The following DIP2A variants were observed in gnomAD, a reference collection of about 807,000 sequenced individuals.
DIP2A encodes the protein DIP2 acetate--CoA ligase A, also known as disco-interacting protein 2 homolog A.
DIP2A carries 85 observed loss-of-function variants against 177.4 expected under a neutral mutation model. That is an observed-to-expected ratio of 0.48 (90% confidence interval 0.40 to 0.57). The LOEUF is 0.57. DIP2A is among the 20% of genes least tolerant of loss of function. DIP2A has a pLI of 0.00. For missense variants in DIP2A, 1,791 were observed against 2,100.2 expected, an observed-to-expected ratio of 0.85 and a Z score of 2.88; for synonymous variants, 886 against 881.8, an observed-to-expected ratio of 1.00 and a Z score of -0.08.
the DIP2A span, among the ~76,000 whole-genome samples, chr21:46,576,335 A>C: frequency 6.6e-6 from 1 of 151,970 alleles, no homozygotes; most frequent in Non-Finnish European, 1.5e-5. Flanking sequence ...CTATGTGTTC[A>C]TAATGTTCAG....
chr21:46,526,682 A>G (rs1165196446), intron 8 of DIP2A, among the ~76,000 whole-genome samples: 3 of 152,220 alleles, frequency 2.0e-5, no homozygotes, highest in African/African-American at 4.8e-5. Context: ...GGTGTGAGCC[A>G]CTGCGCCAGG....
intron 35 of DIP2A, among the ~76,000 whole-genome samples, chr21:46,565,152 A>C (rs1373268163): frequency 6.6e-6 from 1 of 152,270 alleles, no homozygotes; most frequent in African/African-American, 2.4e-5. Flanking sequence ...GCATGGATGC[A>C]CAAAATGCTT....
rs377485159 is a variant in DIP2A, at chr21:46,558,218, C to T, written c.3799-5C>T. 44 of 1,607,320 alleles carry T rather than the reference C, an allele frequency of 2.7e-5. No individual in the cohort carries two copies. The highest frequency in any genetic ancestry group is 3.3e-5 in the Non-Finnish European group (39 of 1,177,114). On this transcript the variant is annotated splice_polypyrimidine_tract_variant and splice_region_variant and intron_variant, in intron 31 of 37. Coordinates refer to ENST00000417564, the MANE Select transcript of DIP2A (RefSeq NM_015151.4). ...CCGTGGCCTGACCGCTCACCCCTCC[C>T]GCAGATGAAGGGGGTGAACCTGTCA...
At chr21:46,573,549 T>C (rs2060979230), downstream of DIP2A, among the ~76,000 whole-genome samples, 1 of 144,158 alleles carries the variant, frequency 6.9e-6, no homozygotes, top group African/African-American at 2.6e-5. Flanking sequence ...GAGGCTGAGG[T>C]GGGAATATTC....
At chr21:46,505,112 G>A (rs2057904709) in intron 6 of DIP2A, among the ~76,000 whole-genome samples, 1 of 152,216 alleles carries the variant, frequency 6.6e-6, no homozygotes, top group South Asian at 2.1e-4. Context: ...TATCATATAT[G>A]TTGGTACTCC....
At chr21:46,484,858 G>A (rs755355477) in intron 2 of DIP2A, 30 bp downstream of exon 2, 1 of 1,512,624 alleles carries the variant, frequency 6.6e-7, no homozygotes, top group Non-Finnish European at 8.9e-7. Flanking sequence ...GTGTTACATA[G>A]CAATTATATT....
At chr21:46,472,403 A>G (rs1469504161) in intron 1 of DIP2A, among the ~76,000 whole-genome samples, 1 of 152,222 alleles carries the variant, frequency 6.6e-6, no homozygotes, top group Non-Finnish European at 1.5e-5. Context: ...CATTCAACAG[A>G]CTGAGTGCCA....
chr21:46,545,015 A>G (rs919203176), intron 18 of DIP2A, 122 bp from the exon 19 acceptor site: 12 of 836,688 alleles, frequency 1.4e-5, no homozygotes, highest in Non-Finnish European at 2.1e-5. Context: ...AACTCCTTAT[A>G]AGAAGGTGCT....
chr21:46,561,002 C>T (rs1476717418), intron 33 of DIP2A: 3 of 985,308 alleles, frequency 3.0e-6, no homozygotes, highest in Non-Finnish European at 3.6e-6. Context: ...CCACTCCGGG[C>T]GTGCCTCCCA....
chr21:46,543,550 G>GGCACTCCCCCAGGCATGCACGCA (rs141375551), intron 18 of DIP2A, among the ~76,000 whole-genome samples: 121,833 of 149,100 alleles, frequency 0.82, 49,931 homozygotes, highest in African/African-American at 0.87. Context: ...CGCTCCCCCA[G>GGCACTCCCCCAGGCATGCACGCA]GCACTCCCCC....
chr21:46,506,789 T>C (rs10854484), intron 6 of DIP2A, among the ~76,000 whole-genome samples: 29,740 of 127,072 alleles, frequency 0.23, 4,488 homozygotes, highest in East Asian at 0.41. Context: ...TTTCTTTCTT[T>C]TCTTTCTTTC....
Position 46,498,579 on chromosome 21 carries a change from C to G in DIP2A, c.404-3C>G, listed in dbSNP as rs1314259631. The G allele has an allele frequency of 6.2e-7, 1 of 1,602,546 alleles. No homozygotes were observed. Among genetic ancestry groups the G allele is most frequent in the South Asian group, 1.1e-5 (1 of 90,332 alleles). ...ATGCCTGTCATCGTTATTTTAACCA[C>G]AGACACGTCGTCTGCCTCAGAAGAT... On this transcript the variant is annotated splice_polypyrimidine_tract_variant and splice_region_variant and intron_variant, in intron 4 of 37. Coordinates refer to ENST00000417564, the MANE Select transcript of DIP2A (RefSeq NM_015151.4). The surrounding 1 kb of genome is among the most constrained non-coding windows in gnomAD (Gnocchi z 4.3).
intron 8 of DIP2A, among the ~76,000 whole-genome samples, chr21:46,518,724 G>A (rs1297931447): frequency 2.0e-5 from 3 of 152,202 alleles, no homozygotes; most frequent in Non-Finnish European, 4.4e-5. Context: ...GGGTGTGGTG[G>A]CATGCGCCTA....
intron 8 of DIP2A, among the ~76,000 whole-genome samples, chr21:46,514,695 A>G (rs1019389964): frequency 9.3e-5 from 13 of 139,758 alleles, no homozygotes; most frequent in African/African-American, 3.6e-4. Flanking sequence ...AAATAGAACA[A>G]TGTTGAAGAG....
At position 46,534,574 on chromosome 21, in the gene DIP2A, A is replaced by C. The variant is rs768449089; in HGVS notation, c.1540-11A>C. ...ATACCACATCATGTTTTTTTCCTTG[A>C]AATCTTTCAGTATAAAACCAGCAAA... On this transcript the variant is annotated splice_polypyrimidine_tract_variant and intron_variant, in intron 12 of 37. Transcript: ENST00000417564. The C allele has an allele frequency of 1.9e-6, 3 of 1,611,864 alleles. No homozygotes were observed. The highest frequency in any genetic ancestry group is 2.5e-6 in the Non-Finnish European group (3 of 1,178,666).
At position 46,567,679 on chromosome 21, in the gene DIP2A, G is replaced by T; in HGVS notation, c.*57G>T. The T allele has an allele frequency of 6.5e-7, 1 of 1,533,816 alleles. No homozygotes were observed. On this transcript the variant is annotated 3_prime_UTR_variant, in exon 38 of 38. Coordinates refer to ENST00000417564, the MANE Select transcript of DIP2A (RefSeq NM_015151.4). Reference sequence around the variant, plus strand: ...AATGAGCCCCAGCAGTCCAAGGTGTGATGTGGGAAGACACCGCAGAGCTCA... The same window carrying T: ...AATGAGCCCCAGCAGTCCAAGGTGTTATGTGGGAAGACACCGCAGAGCTCA...
At chr21:46,582,154 C>T in the DIP2A span, among the ~76,000 whole-genome samples, 1 of 152,162 alleles carries the variant, frequency 6.6e-6, no homozygotes, top group East Asian at 1.9e-4. Context: ...TGCTGAAATT[C>T]CCACAGGGAG....
chr21:46,459,750 C>G (rs1010824690), intron 1 of DIP2A, among the ~76,000 whole-genome samples: 2 of 151,752 alleles, frequency 1.3e-5, no homozygotes, highest in Non-Finnish European at 2.9e-5. Context: ...CCCTTCACAC[C>G]TGGGACCCTT....
intron 2 of DIP2A, among the ~76,000 whole-genome samples, chr21:46,488,410 A>G (rs1395511068): frequency 1.3e-5 from 2 of 152,160 alleles, no homozygotes; most frequent in Middle Eastern, 3.2e-3. Context: ...TAGAAATGAG[A>G]ACATTTCAGA....
Sources: gnomAD v4.1 joint callset for allele counts (sites outside exome capture counted in the v4.1 genomes callset) on GRCh38, gnomAD v4.1.1 for gene constraint, Gnocchi (gnomAD v3.1) non-coding constraint, MANE v1.5 for transcripts, NCBI Gene and HGNC (gene_info 2026-07-23, HGNC 2026-07-21) for gene names.